GFPT1: variants seen among roughly 807,000 people sequenced by gnomAD.
GFPT1 encodes the protein glutamine--fructose-6-phosphate transaminase 1.
Under a neutral mutation model 92.0 loss-of-function variants are expected in GFPT1, and 40 were observed. That is an observed-to-expected ratio of 0.43 (90% CI 0.34 to 0.57). The LOEUF (loss-of-function observed/expected upper bound fraction) is 0.57. Ranked by LOEUF, GFPT1 falls within the 20% of genes least tolerant of loss-of-function variation. The pLI is 0.02. For synonymous variants in GFPT1, 269 were observed against 280.6 expected, an observed-to-expected ratio of 0.96 and a Z score of 0.41; for missense variants, 448 against 869.1, an observed-to-expected ratio of 0.52 and a Z score of 6.09.
rs1670376281 is a variant in GFPT1 at position 69,320,327 on chromosome 2, T to C, written c.*5862A>G. On this transcript the variant is annotated 3_prime_UTR_variant, in exon 20 of 20. Transcript: ENST00000357308. ...CTGTTTCCTTCACTTGCCCTTTAGA[T>C]ATAATGGATCTGGAATTCTCAATGA... The C allele has an allele frequency of 6.6e-6, 1 of 152,232 alleles. No individual in the cohort carries two copies. The highest frequency in any genetic ancestry group is 2.4e-5 in the African/African-American group (1 of 41,444). The allele number at this position is 152,232 out of a possible 1,614,324, so 9.4% of individuals were successfully genotyped here. A position where few individuals can be genotyped will look rare whatever the true frequency, so the allele number is the denominator to read the frequency against.
intron 12 of GFPT1, among the ~76,000 whole-genome samples, chr2:69,344,452 T>A (rs1671035250): frequency 6.6e-6 from 1 of 152,158 alleles, no homozygotes; most frequent in Non-Finnish European, 1.5e-5. Context: ...AAAGAAAGAA[T>A]GCCTGATGGA....
At chr2:69,354,669 C>A in intron 7 of GFPT1, 101 bp from the exon 8 acceptor site, 1 of 758,604 alleles carries the variant, frequency 1.3e-6, no homozygotes. Context: ...TTTAAATCAT[C>A]CTCCCCAAGC....
intron 12 of GFPT1, among the ~76,000 whole-genome samples, chr2:69,344,519 C>G (rs1215613841): frequency 6.6e-6 from 1 of 152,086 alleles, no homozygotes; most frequent in Non-Finnish European, 1.5e-5. Context: ...TAGTTTGGTT[C>G]AATAAATGAC....
chr2:69,385,436 G>A (rs1426362953), intron 1 of GFPT1, among the ~76,000 whole-genome samples: 1 of 151,814 alleles, frequency 6.6e-6, no homozygotes, highest in Non-Finnish European at 1.5e-5. Context: ...CGTTGGCCAG[G>A]CTAGTCTTGA....
intron 6 of GFPT1, among the ~76,000 whole-genome samples, chr2:69,357,192 A>G (rs1671358617): frequency 6.6e-6 from 1 of 152,220 alleles, no homozygotes; most frequent in South Asian, 2.1e-4. Flanking sequence ...TCATAATACT[A>G]TGAATTATCA....
At chr2:69,334,425 T>C (rs1670744934) in intron 15 of GFPT1, among the ~76,000 whole-genome samples, 1 of 152,172 alleles carries the variant, frequency 6.6e-6, no homozygotes, top group Non-Finnish European at 1.5e-5. Context: ...ATTTTTCTTA[T>C]ATAGGTGGTA....
Position 69,387,137 on chromosome 2 carries a change from A to AG in GFPT1, c.-67dup. The stretch of plus-strand genomic sequence containing the variant: ...TGGCGGGATCGGGGGTGCACACACG[A>AG]GCTTCGGTGGGCAATCTGCGGGCTC... On this transcript the variant is annotated 5_prime_UTR_variant, in exon 1 of 20. Transcript: ENST00000357308. The AG allele has an allele frequency of 2.0e-6, 3 of 1,490,894 alleles. No individual in the cohort carries two copies. The highest frequency in any genetic ancestry group is 2.7e-6 in the Non-Finnish European group (3 of 1,124,256). 92.4% of individuals were successfully genotyped at this position (1,490,894 alleles called of 1,614,324 possible).
intron 10 of GFPT1, 44 bp downstream of exon 10, chr2:69,350,034 G>T: frequency 7.9e-7 from 1 of 1,272,310 alleles, no homozygotes; most frequent in Non-Finnish European, 1.1e-6. Context: ...TGCAGAATGA[G>T]AAGTTTTACT....
At chr2:69,369,959 A>C (rs764325422) in intron 3 of GFPT1, 42 bp downstream of exon 3, 8 of 1,095,414 alleles carry the variant, frequency 7.3e-6, no homozygotes, top group Non-Finnish European at 8.5e-6. Flanking sequence ...GGGAAAAGGA[A>C]GAGAAGGGGA....
chr2:69,373,776 GT>G (rs1441506953), intron 2 of GFPT1, among the ~76,000 whole-genome samples: 1 of 152,066 alleles, frequency 6.6e-6, no homozygotes, highest in Non-Finnish European at 1.5e-5. Context: ...CCCATATGAT[GT>G]TTTTACAATA....
intron 12 of GFPT1, among the ~76,000 whole-genome samples, chr2:69,342,468 C>T (rs1014816979): frequency 3.3e-5 from 5 of 152,232 alleles, no homozygotes; most frequent in Admixed American, 6.5e-5. Context: ...CCTTACTCAC[C>T]TCTCTACATC....
intron 12 of GFPT1, among the ~76,000 whole-genome samples, chr2:69,344,258 T>C (rs1162433379): frequency 6.9e-6 from 1 of 145,358 alleles, no homozygotes; most frequent in Non-Finnish European, 1.5e-5. Flanking sequence ...TGACAAAGAA[T>C]GACATGGATG....
In GFPT1 at chr2:69,353,012, C is replaced by T. The variant is rs149409853; in HGVS notation, c.739+1247G>A. Among the ~76,000 whole-genome samples the T allele has an allele frequency of 3.5e-3, 533 of 152,238 alleles. 3 individuals carry two copies. Among genetic ancestry groups the T allele is most frequent in the African/African-American group, 0.012 (515 of 41,530 alleles). On this transcript the variant is annotated intron_variant, in intron 9 of 19. Coordinates refer to ENST00000357308, the MANE Select transcript of GFPT1 (RefSeq NM_001244710.2). ...AGTGAGCCAAGATCATGTCACTGCA[C>T]TCCAGCCTGGGCAACAGAACAAGAC...
chr2:69,367,010 A>G (rs1671627330), intron 3 of GFPT1, among the ~76,000 whole-genome samples: 1 of 152,250 alleles, frequency 6.6e-6, no homozygotes, highest in Non-Finnish European at 1.5e-5. Flanking sequence ...TGTGCTTTAC[A>G]TATTTTTTAA....
rs183051269 is a variant in GFPT1, at chr2:69,352,748, T to C, written c.739+1511A>G. Among the ~76,000 whole-genome samples the C allele has an allele frequency of 7.2e-5, 11 of 151,734 alleles. No individual in the cohort carries two copies. The East Asian group carries it at 2.1e-3, about 30-fold the overall frequency. ...TAACAAAGTATATTTAGTTAAAATATGTAAAAAAAATTTGAGGCTGGGTGC... is the reference window on the plus strand; with the variant it reads ...TAACAAAGTATATTTAGTTAAAATACGTAAAAAAAATTTGAGGCTGGGTGC... On this transcript the variant is annotated intron_variant, in intron 9 of 19. Coordinates refer to ENST00000357308, the MANE Select transcript of GFPT1 (RefSeq NM_001244710.2).
intron 4 of GFPT1, among the ~76,000 whole-genome samples, chr2:69,360,086 A>C (rs1010744298): frequency 2.6e-5 from 4 of 152,064 alleles, no homozygotes; most frequent in Non-Finnish European, 5.9e-5. Context: ...CCAGCACTTT[A>C]AGAGGTCGAG....
chr2:69,338,017 T>C lies in GFPT1; in HGVS notation c.1363A>G (p.Lys455Glu), dbSNP rs1364442553. 6.2e-7 allele frequency: 1 copy of C among 1,613,964 alleles called. No individual in the cohort carries two copies. Among genetic ancestry groups the C allele is most frequent in the Non-Finnish European group, 8.5e-7 (1 of 1,179,950 alleles). Reference sequence around the variant, plus strand: ...CCCACAGTTAAAGCTCCTCTCTCCTTACAGTAACGAAGACCCATCAAAGTA... The same window carrying C: ...CCCACAGTTAAAGCTCCTCTCTCCTCACAGTAACGAAGACCCATCAAAGTA... Reference protein sequence around the residue: ...ADTLMGLRYCKERGALTVGIT... With the variant: ...ADTLMGLRYCEERGALTVGIT... The change falls in exon 15 of 20, where the codon AAG becomes GAG. Residue 455 changes from lysine to glutamate, a missense_variant. Physicochemically the swap from Lys to Glu is moderately conservative, Grantham distance 56. This residue lies in a region of GFPT1 where 121 missense variants were observed against 304.3 expected (regional missense o/e 0.40). Transcript: ENST00000357308.
chr2:69,328,726 A>G lies in GFPT1; in HGVS notation c.1726-288T>C, dbSNP rs139890192. Among the ~76,000 whole-genome samples, 1,678 of 140,712 alleles carry G rather than the reference A, an allele frequency of 0.012. 30 individuals carry two copies. The highest frequency in any genetic ancestry group is 0.043 in the African/African-American group (1,592 of 37,220). 92.3% of individuals were successfully genotyped at this position (140,712 alleles called of 152,430 possible). ...CTTTTTTTTTTTTTTTTTAAGACAGAGTCTTCTTCGATCGCCCAGGCTGGA... is the reference window on the plus strand; with the variant it reads ...CTTTTTTTTTTTTTTTTTAAGACAGGGTCTTCTTCGATCGCCCAGGCTGGA... On this transcript the variant is annotated intron_variant, in intron 17 of 19. Coordinates refer to ENST00000357308, the MANE Select transcript of GFPT1 (RefSeq NM_001244710.2).
chr2:69,359,343 T>A lies in GFPT1; in HGVS notation c.350-17A>T. On this transcript the variant is annotated splice_polypyrimidine_tract_variant and intron_variant, in intron 4 of 19. Coordinates refer to ENST00000357308, the MANE Select transcript of GFPT1 (RefSeq NM_001244710.2). ...CGATAAATTCTAAAAGAGGTAAAAGTGTTGAAGACAAAAAAGTTAGAAGTA... is the reference window on the plus strand; with the variant it reads ...CGATAAATTCTAAAAGAGGTAAAAGAGTTGAAGACAAAAAAGTTAGAAGTA... 1 of 1,438,588 alleles carries A rather than the reference T, an allele frequency of 7.0e-7. No homozygotes were observed. 89.1% of individuals were successfully genotyped at this position (1,438,588 alleles called of 1,614,324 possible).
Sources: gnomAD v4.1 joint callset for allele counts (sites outside exome capture counted in the v4.1 genomes callset) on GRCh38, gnomAD v4.1.1 for gene constraint, gnomAD v4.1.1 regional missense constraint, MANE v1.5 for transcripts, NCBI Gene and HGNC (gene_info 2026-07-23, HGNC 2026-07-21) for gene names.